Variants in ABCB4 observed in about 807,000 individuals in gnomAD.
The protein encoded by ABCB4 is ATP binding cassette subfamily B member 4, also known as phosphatidylcholine translocator ABCB4.
ABCB4 carries 76 observed loss-of-function variants against 145.7 expected under a neutral mutation model. That is an observed-to-expected ratio of 0.52 (90% confidence interval 0.43 to 0.63). ABCB4 has a LOEUF of 0.63. Among genes scored for constraint, ABCB4 ranks in the 30% least tolerant of loss-of-function variants. The pLI is 0.00. For missense variants in ABCB4, 1,234 were observed against 1,553.1 expected, an observed-to-expected ratio of 0.79 and a Z score of 3.45; for synonymous variants, 517 against 566.8, an observed-to-expected ratio of 0.91 and a Z score of 1.25.
chr7:87,453,905 A>G (rs1352904547), intron 5 of ABCB4, among the ~76,000 whole-genome samples: 1 of 151,356 alleles, frequency 6.6e-6, no homozygotes, highest in Non-Finnish European at 1.5e-5. Context: ...AAAAAGAACC[A>G]AAAAACTTTG....
chr7:87,422,052 A>G, intron 18 of ABCB4, 69 bp downstream of exon 18: 1 of 1,141,672 alleles, frequency 8.8e-7, no homozygotes, highest in Non-Finnish European at 1.3e-6. Context: ...TGGAAGCTCC[A>G]TTAGGTTTAA....
At chr7:87,442,391 A>C (rs907356337) in intron 12 of ABCB4, among the ~76,000 whole-genome samples, 3 of 151,996 alleles carry the variant, frequency 2.0e-5, no homozygotes, top group African/African-American at 7.2e-5. Context: ...GCATGCCATT[A>C]TTTTTACTTT....
downstream of ABCB4, among the ~76,000 whole-genome samples, chr7:87,400,852 T>G (rs1467692711): frequency 6.6e-6 from 1 of 152,210 alleles, no homozygotes; most frequent in African/African-American, 2.4e-5. Flanking sequence ...TGTAATGAGT[T>G]GCGTATTTTG....
At chr7:87,389,628 G>T in the ABCB4 span, among the ~76,000 whole-genome samples, 122 of 151,912 alleles carry the variant, frequency 8.0e-4, 1 homozygote, top group South Asian at 4.2e-4. Flanking sequence ...GTCATGGGGT[G>T]GGGGGCTAGG....
In ABCB4 at chr7:87,443,822, T is replaced by A. The variant is rs764858310; in HGVS notation, c.1120-49A>T. On this transcript the variant is annotated intron_variant, in intron 10 of 27. Transcript: ENST00000649586. ...CTATTCCATCATAGCACAAACAAGTTGCATTTTTAAGGAATATGATTCAGC... is the reference window on the plus strand; with the variant it reads ...CTATTCCATCATAGCACAAACAAGTAGCATTTTTAAGGAATATGATTCAGC... 7.5e-6 allele frequency: 11 copies of A among 1,474,430 alleles called. No homozygotes were observed. In the East Asian group the frequency reaches 1.6e-4, roughly 21 times the overall value. 91.3% of individuals were successfully genotyped at this position (1,474,430 alleles called of 1,614,324 possible).
chr7:87,410,716 G>A (rs1808560285), intron 23 of ABCB4, among the ~76,000 whole-genome samples: 1 of 152,090 alleles, frequency 6.6e-6, no homozygotes, highest in Non-Finnish European at 1.5e-5. Context: ...CTCCATGTCT[G>A]GGGATTCCAA....
At chr7:87,374,682 A>G in the ABCB4 span, among the ~76,000 whole-genome samples, 3 of 152,172 alleles carry the variant, frequency 2.0e-5, no homozygotes, top group South Asian at 6.2e-4. Flanking sequence ...TAATTTGCAA[A>G]TAACAAGGGG....
chr7:87,441,505 T>C (rs888761679), intron 12 of ABCB4, among the ~76,000 whole-genome samples: 1 of 152,118 alleles, frequency 6.6e-6, no homozygotes, highest in African/African-American at 2.4e-5. Context: ...TATATTCATA[T>C]TAACTTCTCT....
chr7:87,401,751 T>G lies in ABCB4; in HGVS notation c.*345A>C, dbSNP rs1807796198. The G allele has an allele frequency of 3.0e-6, 1 of 330,800 alleles. No individual in the cohort carries two copies. The highest frequency in any genetic ancestry group is 4.3e-5 in the Admixed American group (1 of 23,180). The allele number at this position is 330,800 out of a possible 1,614,324, so 20.5% of individuals were successfully genotyped here. On this transcript the variant is annotated 3_prime_UTR_variant, in exon 28 of 28. Coordinates refer to ENST00000649586, the MANE Select transcript of ABCB4 (RefSeq NM_000443.4). ...GTACTTGGGAAAATTATTCCCAAAC[T>G]TTCCTGTCTACCCAACCCATTCAGG... is the stretch of plus-strand genomic sequence containing the variant.
At chr7:87,448,347 AT>A (rs1425608497) in intron 8 of ABCB4, among the ~76,000 whole-genome samples, 1 of 152,142 alleles carries the variant, frequency 6.6e-6, no homozygotes, top group African/African-American at 2.4e-5. Flanking sequence ...AAACATGAGA[AT>A]TCATTAGTCT....
Position 87,409,937 on chromosome 7 carries a change from T to C in ABCB4, c.2925-545A>G, listed in dbSNP as rs45625233. On this transcript the variant is annotated intron_variant, in intron 23 of 27. Coordinates refer to ENST00000649586, the MANE Select transcript of ABCB4 (RefSeq NM_000443.4). ...TAAGCTTTTACTAGAAATAGCTTTT[T>C]ATTTACAATTAAAATAACTATGCTA... Among the ~76,000 whole-genome samples the C allele has an allele frequency of 7.2e-3, 1,097 of 152,356 alleles. 19 individuals are homozygous for C. Among genetic ancestry groups the C allele is most frequent in the African/African-American group, 0.024 (1,014 of 41,594 alleles).
the ABCB4 span, among the ~76,000 whole-genome samples, chr7:87,384,078 G>A: frequency 3.9e-5 from 6 of 152,026 alleles, no homozygotes; most frequent in African/African-American, 1.5e-4. Flanking sequence ...ATCTTTGCTA[G>A]CATCTGTTAT....
intron 15 of ABCB4, among the ~76,000 whole-genome samples, chr7:87,427,627 T>C (rs1177497412): frequency 6.6e-6 from 1 of 152,182 alleles, no homozygotes; most frequent in Non-Finnish European, 1.5e-5. Context: ...ACTACACATC[T>C]TAATAGTTTG....
In ABCB4 at chr7:87,431,398, A is replaced by C; in HGVS notation, c.1893+6T>G. The C allele has an allele frequency of 6.2e-7, 1 of 1,614,038 alleles. No homozygotes were observed. The highest frequency in any genetic ancestry group is 8.5e-7 in the Non-Finnish European group (1 of 1,179,930). The stretch of plus-strand genomic sequence containing the variant: ...ATAGCAGAAAAAATTCCTGAAAAGC[A>C]AGTACCTGCATGTTGACAAGTTTGA... On this transcript the variant is annotated splice_donor_region_variant and intron_variant, in intron 15 of 27. Transcript: ENST00000649586.
the ABCB4 span, chr7:87,392,899 T>C: frequency 6.2e-7 from 1 of 1,612,064 alleles, no homozygotes; most frequent in Non-Finnish European, 8.5e-7. Flanking sequence ...TTAGAAACAA[T>C]ATAAGCATCT....
chr7:87,388,332 A>C, the ABCB4 span, among the ~76,000 whole-genome samples: 1 of 152,190 alleles, frequency 6.6e-6, no homozygotes, highest in Non-Finnish European at 1.5e-5. Context: ...ATCCTAAGCA[A>C]AAAGAAAAAA....
chr7:87,375,393 T>A, the ABCB4 span: 1 of 436,200 alleles, frequency 2.3e-6, no homozygotes, highest in Non-Finnish European at 4.1e-6. Context: ...AAACTAAATT[T>A]AGCCAATAAC....
At chr7:87,468,174 G>A (rs529313509) in intron 3 of ABCB4, among the ~76,000 whole-genome samples, 4 of 152,044 alleles carry the variant, frequency 2.6e-5, no homozygotes, top group Non-Finnish European at 5.9e-5. Flanking sequence ...AGAAAAGAGA[G>A]AAGAATCAAA....
At position 87,424,034 on chromosome 7, in the gene ABCB4, C is replaced by A; in HGVS notation, c.2083G>T (p.Val695Leu). 2.5e-6 allele frequency: 4 copies of A among 1,614,060 alleles called. No homozygotes were observed. Among genetic ancestry groups the A allele is most frequent in the Non-Finnish European group, 3.4e-6 (4 of 1,179,954 alleles). ...AGTTTCAGGACCTTCAGAAAGGACA[C>A]TGGTGGCACATTTGCTTCCTAGAAC... ...TDGLEANVPP[V>L]SFLKVLKLNK... is the part of the protein sequence containing the mutation. The change falls in exon 17 of 28, where the codon GTG becomes TTG. Residue 695 changes from valine to leucine, a missense_variant. Val to Leu is a conservative substitution (Grantham distance 32). Coordinates refer to ENST00000649586, the MANE Select transcript of ABCB4 (RefSeq NM_000443.4).
Sources: gnomAD v4.1 joint callset for allele counts (sites outside exome capture counted in the v4.1 genomes callset) on GRCh38, gnomAD v4.1.1 for gene constraint, MANE v1.5 for transcripts, NCBI Gene and HGNC (gene_info 2026-07-23, HGNC 2026-07-21) for gene names.